The following CACNB4 variants were observed in gnomAD, a reference collection of about 807,000 sequenced individuals.
CACNB4 encodes the protein voltage-dependent L-type calcium channel subunit beta-4.
Under a neutral mutation model 71.2 loss-of-function variants are expected in CACNB4, and 32 were observed. The observed-to-expected ratio is 0.45, with a 90% CI of 0.34 to 0.60. The LOEUF (loss-of-function observed/expected upper bound fraction) is 0.60, where lower values mean the gene tolerates loss of function less well. Among genes scored for constraint, CACNB4 ranks in the 20% least tolerant of loss-of-function variants. The pLI is 0.01. For missense variants in CACNB4, 464 were observed against 647.9 expected (o/e 0.72, Z 3.08); for synonymous variants, 231 against 236.9 (o/e 0.97, Z 0.23).
intron 4 of CACNB4, among the ~76,000 whole-genome samples, chr2:151,877,227 A>G (rs2099846657): frequency 6.6e-6 from 1 of 151,998 alleles, no homozygotes; most frequent in East Asian, 1.9e-4. Context: ...CAGGCTTTGC[A>G]GACCACGTGG....
At chr2:151,993,660 GT>G in intron 2 of CACNB4, among the ~76,000 whole-genome samples, 1 of 151,206 alleles carries the variant, frequency 6.6e-6, no homozygotes, top group South Asian at 2.1e-4. Flanking sequence ...TGCCTCCCAG[GT>G]TCAAGCGATT....
intron 2 of CACNB4, among the ~76,000 whole-genome samples, chr2:152,080,661 A>G (rs2105417770): frequency 1.3e-5 from 2 of 152,202 alleles, no homozygotes; most frequent in East Asian, 3.9e-4. Context: ...TATTTTTTCC[A>G]TCAGTTCATT....
intron 6 of CACNB4, chr2:151,872,062 T>C (rs1411324477): frequency 3.7e-6 from 1 of 270,076 alleles, no homozygotes; most frequent in African/African-American, 2.4e-5. Context: ...AGCATTTTCT[T>C]GAGAGTCTGC....
At chr2:151,928,252 C>T (rs1322161494) in intron 2 of CACNB4, among the ~76,000 whole-genome samples, 2 of 152,220 alleles carry the variant, frequency 1.3e-5, no homozygotes, top group Non-Finnish European at 2.9e-5. Flanking sequence ...GAATGACTAT[C>T]GACTTACAAA....
At chr2:151,931,730 T>C (rs1366609505) in intron 2 of CACNB4, among the ~76,000 whole-genome samples, 1 of 152,202 alleles carries the variant, frequency 6.6e-6, no homozygotes, top group Non-Finnish European at 1.5e-5. Context: ...GGATTTTTTT[T>C]CTTTAAAAAT....
chr2:151,894,088 G>A (rs1222125374), intron 2 of CACNB4, among the ~76,000 whole-genome samples: 1 of 152,214 alleles, frequency 6.6e-6, no homozygotes, highest in Non-Finnish European at 1.5e-5. Flanking sequence ...CTCAGCTTAG[G>A]AGTTCAAGGC....
intron 2 of CACNB4, among the ~76,000 whole-genome samples, chr2:151,981,628 A>G (rs966408996): frequency 8.5e-5 from 13 of 152,158 alleles, no homozygotes; most frequent in African/African-American, 3.1e-4. Context: ...ACACTTATTT[A>G]CCTTTGAAAA....
Position 151,957,285 on chromosome 2 carries a change from T to TGTGTGTGTGTGC in CACNB4, c.148-73916_148-73915insGCACACACACAC, listed in dbSNP as rs2099868545. On this transcript the variant is annotated intron_variant, in intron 2 of 13. Transcript: ENST00000539935. The stretch of plus-strand genomic sequence containing the variant: ...GTGTGTGTGTGTGTGTGTGTGTGTG[T>TGTGTGTGTGTGC]GTGTGTGTGTGTGTGTCCCTTGGGA... Among the ~76,000 whole-genome samples, 3 of 151,514 alleles carry TGTGTGTGTGTGC rather than the reference T, an allele frequency of 2.0e-5. No homozygotes were observed. The South Asian group carries it at 6.3e-4, about 32-fold the overall frequency.
At chr2:151,895,876 T>G (rs2151489911) in intron 2 of CACNB4, among the ~76,000 whole-genome samples, 1 of 149,716 alleles carries the variant, frequency 6.7e-6, no homozygotes, top group Middle Eastern at 3.5e-3. Context: ...GGAGTTTCGC[T>G]CTTGTCATCC....
intron 2 of CACNB4, among the ~76,000 whole-genome samples, chr2:151,955,957 C>A (rs1426013467): frequency 6.6e-6 from 1 of 151,500 alleles, no homozygotes. Flanking sequence ...AATTCAAAGT[C>A]TATAAAGTCT....
intron 2 of CACNB4, among the ~76,000 whole-genome samples, chr2:151,958,041 T>G (rs2099868759): frequency 6.6e-6 from 1 of 152,194 alleles, no homozygotes; most frequent in African/African-American, 2.4e-5. Flanking sequence ...GTGCTGTGAA[T>G]CTTTTGAGAA....
At chr2:152,011,013 C>G (rs543763965) in intron 2 of CACNB4, among the ~76,000 whole-genome samples, 1 of 152,250 alleles carries the variant, frequency 6.6e-6, no homozygotes, top group South Asian at 2.1e-4. Context: ...GGAACAGACA[C>G]CCTTGGGTGA....
intron 2 of CACNB4, among the ~76,000 whole-genome samples, chr2:152,081,951 G>C (rs1687381534): frequency 6.6e-6 from 1 of 152,164 alleles, no homozygotes; most frequent in African/African-American, 2.4e-5. Flanking sequence ...TCAACCTTGT[G>C]GTTCCACTCA....
chr2:152,094,548 T>C (rs966220672), intron 2 of CACNB4, among the ~76,000 whole-genome samples: 7 of 152,190 alleles, frequency 4.6e-5, no homozygotes, highest in African/African-American at 1.7e-4. Flanking sequence ...AAACTGTATG[T>C]GTAGTGACAC....
intron 2 of CACNB4, among the ~76,000 whole-genome samples, chr2:152,032,865 A>T (rs192738750): frequency 1.3e-5 from 2 of 152,322 alleles, no homozygotes; most frequent in African/African-American, 4.8e-5. Flanking sequence ...GAGGCAAGAG[A>T]ATTGATTAAG....
intron 12 of CACNB4, chr2:151,852,511 T>A (rs1031383907): frequency 6.6e-6 from 1 of 152,240 alleles, no homozygotes; most frequent in African/African-American, 2.4e-5. Flanking sequence ...GTGCTTCTTA[T>A]GTTCCTGGCG....
intron 2 of CACNB4, among the ~76,000 whole-genome samples, chr2:152,047,356 G>C (rs757307235): frequency 2.0e-5 from 3 of 152,180 alleles, no homozygotes; most frequent in African/African-American, 4.8e-5. Flanking sequence ...GGCCTAGAGA[G>C]AGTTATGCCC....
intron 2 of CACNB4, among the ~76,000 whole-genome samples, chr2:152,056,179 G>T (rs6716430): frequency 0.05 from 7,583 of 151,968 alleles, 622 homozygotes; most frequent in African/African-American, 0.18. Context: ...TGGCTAACAC[G>T]GTGAAACCCC....
chr2:151,988,245 G>A (rs77624933), intron 2 of CACNB4, among the ~76,000 whole-genome samples: 29 of 152,236 alleles, frequency 1.9e-4, no homozygotes, highest in Admixed American at 5.2e-4. Flanking sequence ...ACCCAAGGAC[G>A]TGACTTCCAC....
Sources: allele counts gnomAD v4.1 joint callset (sites outside exome capture counted in the v4.1 genomes callset), GRCh38; gene constraint gnomAD v4.1.1; transcripts MANE v1.5; gene names NCBI Gene and HGNC (gene_info 2026-07-23, HGNC 2026-07-21).